Variants in NAALAD2 observed in about 807,000 individuals in gnomAD.
NAALAD2 encodes the protein N-acetylated alpha-linked acidic dipeptidase 2.
A neutral mutation model predicts 95.6 loss-of-function variants in NAALAD2; 89 were observed. That is an observed-to-expected ratio of 0.93 (90% CI 0.78 to 1.11). The LOEUF (loss-of-function observed/expected upper bound fraction) is 1.11, where lower values mean the gene tolerates loss of function less well. NAALAD2 is among the 50% of genes least tolerant of loss of function. NAALAD2 has a pLI of 0.00. For synonymous variants in NAALAD2, 264 were observed against 294.4 expected (o/e 0.90, Z 1.06); for missense variants, 894 against 872.4 (o/e 1.02, Z -0.31).
chr11:90,146,198 T>C (rs1173973055), intron 2 of NAALAD2, among the ~76,000 whole-genome samples: 1 of 151,740 alleles, frequency 6.6e-6, no homozygotes, highest in East Asian at 1.9e-4. Context: ...AAAGTGAATG[T>C]AGAGTGCTTG....
intron 15 of NAALAD2, 124 bp downstream of exon 15, chr11:90,176,186 G>C (rs1480452063): frequency 7.8e-6 from 5 of 642,518 alleles, no homozygotes; most frequent in Non-Finnish European, 1.1e-5. Flanking sequence ...CCCAGGGATA[G>C]AGATAGACTG....
intron 14 of NAALAD2, among the ~76,000 whole-genome samples, chr11:90,175,481 G>A (rs911120389): frequency 3.9e-5 from 6 of 152,082 alleles, no homozygotes; most frequent in Admixed American, 3.9e-4. Flanking sequence ...CTAATCATAT[G>A]CAAAGAAATA....
intron 18 of NAALAD2, 33 bp downstream of exon 18, chr11:90,183,041 G>A (rs1403913952): frequency 5.2e-6 from 8 of 1,525,376 alleles, no homozygotes; most frequent in Non-Finnish European, 7.3e-6. Flanking sequence ...ATACATCACT[G>A]TGACCAAAAC....
intron 14 of NAALAD2, among the ~76,000 whole-genome samples, chr11:90,175,600 T>C (rs10765263): frequency 0.42 from 63,519 of 151,914 alleles, 13,616 homozygotes; most frequent in African/African-American, 0.5. Flanking sequence ...TCTCTGAGGG[T>C]AGGGCCCACG....
rs114677934 is a variant in NAALAD2, at chr11:90,183,502, C to T, written c.2033+494C>T. Among the ~76,000 whole-genome samples the T allele has an allele frequency of 5.9e-3, 903 of 152,216 alleles. 10 individuals are homozygous for T. The highest frequency in any genetic ancestry group is 0.02 in the African/African-American group (834 of 41,534). ...CTCTTTGAGTTTGTTCTGTTAAAGTCAAATAAAATAAGTTTAGCTCTATTT... is the reference window on the plus strand; with the variant it reads ...CTCTTTGAGTTTGTTCTGTTAAAGTTAAATAAAATAAGTTTAGCTCTATTT... On this transcript the variant is annotated intron_variant, in intron 18 of 18. Transcript: ENST00000534061.
At chr11:90,187,962 C>T (rs1258813844) in intron 18 of NAALAD2, among the ~76,000 whole-genome samples, 3 of 152,102 alleles carry the variant, frequency 2.0e-5, no homozygotes, top group African/African-American at 7.2e-5. Context: ...GAATGATAGA[C>T]TCAGAGAGAC....
At chr11:90,174,279 C>T (rs1202437460) in intron 14 of NAALAD2, among the ~76,000 whole-genome samples, 5 of 151,194 alleles carry the variant, frequency 3.3e-5, no homozygotes, top group Admixed American at 2.6e-4. Context: ...TGCAGTGAGC[C>T]GAGATCGTGC....
At chr11:90,189,534 T>G (rs1373317877) in intron 18 of NAALAD2, among the ~76,000 whole-genome samples, 2 of 152,076 alleles carry the variant, frequency 1.3e-5, no homozygotes, top group Non-Finnish European at 2.9e-5. Flanking sequence ...TTTGGGAGGT[T>G]AAGGCGGGTG....
At chr11:90,170,649 G>A (rs1457196619) in intron 13 of NAALAD2, among the ~76,000 whole-genome samples, 1 of 152,202 alleles carries the variant, frequency 6.6e-6, no homozygotes, top group Non-Finnish European at 1.5e-5. Flanking sequence ...TACTATGTAT[G>A]ATGGAGAACA....
At chr11:90,134,623 G>A (rs1330729003), upstream of NAALAD2, 3 of 738,280 alleles carry the variant, frequency 4.1e-6, no homozygotes, top group African/African-American at 1.7e-5. Flanking sequence ...CAGCGGGTAG[G>A]GCGGAGGCGT....
chr11:90,190,782 A>T (rs1020799196), intron 18 of NAALAD2, among the ~76,000 whole-genome samples: 1 of 152,200 alleles, frequency 6.6e-6, no homozygotes, highest in Non-Finnish European at 1.5e-5. Flanking sequence ...ATTAATCATT[A>T]ATCATTAATA....
At chr11:90,153,569 T>C (rs1281734305) in intron 6 of NAALAD2, among the ~76,000 whole-genome samples, 1 of 152,050 alleles carries the variant, frequency 6.6e-6, no homozygotes, top group Non-Finnish European at 1.5e-5. Context: ...TTAGCACTAA[T>C]TTACAATTGC....
intron 11 of NAALAD2, among the ~76,000 whole-genome samples, chr11:90,165,197 C>T (rs1952405788): frequency 6.6e-6 from 1 of 152,194 alleles, no homozygotes; most frequent in East Asian, 1.9e-4. Context: ...ACATGTACCA[C>T]ATTTTCTTCA....
intron 14 of NAALAD2, among the ~76,000 whole-genome samples, chr11:90,174,795 A>T (rs961274071): frequency 6.6e-6 from 1 of 151,938 alleles, no homozygotes; most frequent in African/African-American, 2.4e-5. Flanking sequence ...CTGTAGTGCC[A>T]TTTCTAATAC....
chr11:90,147,311 T>A lies in NAALAD2; in HGVS notation c.195-19T>A. 1 of 1,597,270 alleles carries A rather than the reference T, an allele frequency of 6.3e-7. No homozygotes were observed. The highest frequency in any genetic ancestry group is 1.1e-5 in the South Asian group (1 of 90,458). On this transcript the variant is annotated intron_variant, in intron 2 of 18. Transcript: ENST00000534061. ...GAGCATAGTCTTTAATGCCCTCTTA[T>A]GTTTTATTTTCATTTTAGTTCTTTT...
At chr11:90,146,719 T>C (rs1951759254) in intron 2 of NAALAD2, among the ~76,000 whole-genome samples, 1 of 152,146 alleles carries the variant, frequency 6.6e-6, no homozygotes, top group Non-Finnish European at 1.5e-5. Flanking sequence ...CTAAGAACTA[T>C]GTTTGTGGGG....
At chr11:90,137,477 TA>T (rs1951479850) in intron 2 of NAALAD2, among the ~76,000 whole-genome samples, 1 of 152,202 alleles carries the variant, frequency 6.6e-6, no homozygotes. Context: ...ATATACCCTA[TA>T]AATGTGTACA....
At chr11:90,154,492 C>A (rs976363259) in intron 6 of NAALAD2, among the ~76,000 whole-genome samples, 1 of 151,696 alleles carries the variant, frequency 6.6e-6, no homozygotes, top group African/African-American at 2.4e-5. Context: ...CATTTGGTGA[C>A]AATGTATTAT....
intron 18 of NAALAD2, among the ~76,000 whole-genome samples, chr11:90,186,260 G>C (rs2134994196): frequency 6.7e-6 from 1 of 148,910 alleles, no homozygotes; most frequent in East Asian, 2.0e-4. Flanking sequence ...TCCCACCTAT[G>C]AGTGAGAATA....
Sources: gnomAD v4.1 joint callset for allele counts (sites outside exome capture counted in the v4.1 genomes callset) on GRCh38, gnomAD v4.1.1 for gene constraint, MANE v1.5 for transcripts, NCBI Gene and HGNC (gene_info 2026-07-23, HGNC 2026-07-21) for gene names.